RGL4: variants seen among roughly 807,000 people sequenced by gnomAD.
The protein encoded by RGL4 is ral-GDS-related protein.
RGL4 carries 41 observed loss-of-function variants against 49.6 expected under a neutral mutation model. The observed-to-expected ratio is 0.83, with a 90% confidence interval of 0.64 to 1.07. RGL4 has a LOEUF of 1.07. Ranked by LOEUF, RGL4 falls within the 50% of genes least tolerant of loss-of-function variation. The pLI is 0.00. For missense variants in RGL4, 610 were observed against 591.9 expected, an observed-to-expected ratio of 1.03 and a Z score of -0.32; for synonymous variants, 255 against 238.0, an observed-to-expected ratio of 1.07 and a Z score of -0.66.
chr22:23,694,742 A>G, intron 5 of RGL4: 1 of 603,286 alleles, frequency 1.7e-6, no homozygotes, highest in South Asian at 1.9e-5. Context: ...GTAAACACGC[A>G]GTGGCTCATG....
chr22:23,692,730 A>G lies in RGL4; in HGVS notation c.435A>G (p.Pro145=), dbSNP rs1323352542. 1 of 1,613,002 alleles carries G rather than the reference A, an allele frequency of 6.2e-7. No individual in the cohort carries two copies. The highest frequency in any genetic ancestry group is 8.5e-7 in the Non-Finnish European group (1 of 1,179,896). Residue 145 remains proline, a synonymous_variant, in exon 3 of 11, where the codon CCA becomes CCG. Transcript: ENST00000290691. ...TGCCGGCCCTGGAGCCAGCACCACCACTGCTGGCGGACCTGGGGCCTGCTC... is the reference window on the plus strand; with the variant it reads ...TGCCGGCCCTGGAGCCAGCACCACCGCTGCTGGCGGACCTGGGGCCTGCTC... The part of the protein sequence containing the change: ...LTMPALEPAP[P]LLADLGPALE...
chr22:23,692,418 T>C lies in RGL4; in HGVS notation c.263T>C (p.Ile88Thr). Residue 88 changes from isoleucine to threonine, a missense_variant, in exon 2 of 11, where the codon ATA becomes ACA. Ile to Thr is a moderately conservative substitution (Grantham distance 89). Coordinates refer to ENST00000290691, the MANE Select transcript of RGL4 (RefSeq NM_153615.2). The part of the protein sequence containing the change: ...YQPPQRSSFR[I>T]KLAFRNLSWP... Reference sequence around the variant, plus strand: ...CCCCCGCAACGGTCATCTTTCCGGATAAAGCTGGCCTTCAGGAACCTCTCC... The same window carrying C: ...CCCCCGCAACGGTCATCTTTCCGGACAAAGCTGGCCTTCAGGAACCTCTCC... The C allele has an allele frequency of 6.2e-7, 1 of 1,614,184 alleles. No individual in the cohort carries two copies. The highest frequency in any genetic ancestry group is 1.1e-5 in the South Asian group (1 of 91,090).
chr22:23,698,789 A>AG lies in RGL4; in HGVS notation c.1383-51dup. ...GGATTCCAGCTGGGCAGGCACTGAC[A>AG]GGGGACCTGATGTGTGGCTCATGGT... On this transcript the variant is annotated intron_variant, in intron 10 of 10. Coordinates refer to ENST00000290691, the MANE Select transcript of RGL4 (RefSeq NM_153615.2). 2.6e-6 allele frequency: 4 copies of AG among 1,564,002 alleles called. No individual in the cohort carries two copies. The South Asian group carries it at 4.8e-5, about 19-fold the overall frequency.
intron 6 of RGL4, among the ~76,000 whole-genome samples, chr22:23,695,922 G>A (rs897901715): frequency 2.0e-5 from 3 of 152,208 alleles, no homozygotes; most frequent in Admixed American, 1.3e-4. Context: ...GATCATTGGC[G>A]AGGCGAAGCC....
intron 3 of RGL4, 97 bp downstream of exon 3, chr22:23,693,088 C>T (rs1206344669): frequency 2.1e-6 from 3 of 1,457,098 alleles, no homozygotes; most frequent in African/African-American, 2.8e-5. Context: ...CCAATTTCAG[C>T]CCCACTTCTT....
intron 6 of RGL4, 149 bp from the exon 7 acceptor site, chr22:23,696,465 A>G: frequency 5.8e-6 from 9 of 1,547,634 alleles, no homozygotes; most frequent in Non-Finnish European, 7.9e-6. Flanking sequence ...ACTGGGTGAC[A>G]CACACAGGGA....
At chr22:23,698,142 C>T in intron 9 of RGL4, 70 bp from the exon 10 acceptor site, 1 of 1,563,372 alleles carries the variant, frequency 6.4e-7, no homozygotes, top group Non-Finnish European at 8.7e-7. Context: ...AGCCCCTTCT[C>T]CCTGCCTGCC....
At chr22:23,694,002 C>G (rs1388320595) in intron 4 of RGL4, 28 bp downstream of exon 4, 1 of 1,597,778 alleles carries the variant, frequency 6.3e-7, no homozygotes, top group Non-Finnish European at 8.6e-7. Context: ...CTGGGGATTC[C>G]CTCTTTAAAA....
chr22:23,696,400 G>T (rs1431569711), intron 6 of RGL4: 5 of 1,507,624 alleles, frequency 3.3e-6, no homozygotes, highest in Non-Finnish European at 3.6e-6. Context: ...GGTAGCTGTG[G>T]TTTGCATCAC....
chr22:23,697,764 G>A (rs1923601512), intron 8 of RGL4, 74 bp from the exon 9 acceptor site: 1 of 1,510,122 alleles, frequency 6.6e-7, no homozygotes, highest in Non-Finnish European at 9.0e-7. Flanking sequence ...TGGCAGTAGT[G>A]CAGCATGGGA....
rs1569118666 is a variant in RGL4, at chr22:23,693,164, G to A, written c.696+173G>A. ...CTTCCCTGTCTGCATGTGGACGGCAGAGATGGGACATCACCAGCGCCAGCT... is the reference window on the plus strand; with the variant it reads ...CTTCCCTGTCTGCATGTGGACGGCAAAGATGGGACATCACCAGCGCCAGCT... On this transcript the variant is annotated intron_variant, in intron 3 of 10. Transcript: ENST00000290691. 3 of 1,152,478 alleles carry A rather than the reference G, an allele frequency of 2.6e-6. No individual in the cohort carries two copies. The East Asian group carries it at 7.8e-5, about 30-fold the overall frequency. 71.4% of individuals were successfully genotyped at this position (1,152,478 alleles called of 1,614,324 possible). A position where few individuals can be genotyped will look rare whatever the true frequency, so the allele number is the denominator to read the frequency against.
chr22:23,691,952 C>A lies in RGL4; in HGVS notation c.-79C>A. ...CCCCCTCAGCACCGTGGCTTCCCAG[C>A]TCTCCCTGTCCTCCTCCCCCCGACA... On this transcript the variant is annotated 5_prime_UTR_variant, in exon 1 of 11. Coordinates refer to ENST00000290691, the MANE Select transcript of RGL4 (RefSeq NM_153615.2). 1 of 1,502,260 alleles carries A rather than the reference C, an allele frequency of 6.7e-7. No individual in the cohort carries two copies. Among genetic ancestry groups the A allele is most frequent in the Admixed American group, 1.8e-5 (1 of 56,302 alleles). The allele number at this position is 1,502,260 out of a possible 1,614,324, so 93.1% of individuals were successfully genotyped here.
rs778489709 is a variant in RGL4 at position 23,692,393 on chromosome 22, C to G, written c.238C>G (p.Pro80Ala). Residue 80 changes from proline (P) to alanine (A), a missense_variant, in exon 2 of 11, where the codon CCC becomes GCC. Transcript: ENST00000290691. Reference protein sequence around the residue: ...PPENTSVYYQPPQRSSFRIKL... With the variant: ...PPENTSVYYQAPQRSSFRIKL... ...CGAAAACACTTCAGTTTACTATCAG[C>G]CCCCGCAACGGTCATCTTTCCGGAT... is the stretch of plus-strand genomic sequence containing the variant. 6.2e-7 allele frequency: 1 copy of G among 1,614,226 alleles called. No individual in the cohort carries two copies. The highest frequency in any genetic ancestry group is 1.7e-5 in the Admixed American group (1 of 60,030).
Position 23,693,847 on chromosome 22 carries a change from C to T in RGL4, c.785C>T (p.Thr262Ile). The change falls in exon 4 of 11, where the codon ACA becomes ATA. Residue 262 changes from threonine (T) to isoleucine (I), a missense_variant. By Grantham distance (89) the Thr-to-Ile change is moderately conservative (BLOSUM62 -1). Transcript: ENST00000290691. The part of the protein sequence containing the change: ...HLKGNEHMAP[T>I]VRATIAHFNR... ...AAGGGGAATGAGCACATGGCACCCA[C>T]AGTTCGTGCCACCATCGCACACTTC... 2 of 1,614,094 alleles carry T rather than the reference C, an allele frequency of 1.2e-6. No individual in the cohort carries two copies. The highest frequency in any genetic ancestry group is 1.7e-6 in the Non-Finnish European group (2 of 1,180,022).
In RGL4 at chr22:23,691,564, C is replaced by T. The variant is rs1923138811; in HGVS notation, c.-467C>T. The T allele has an allele frequency of 6.3e-6, 1 of 159,552 alleles. No homozygotes were observed. The highest frequency in any genetic ancestry group is 2.4e-5 in the African/African-American group (1 of 41,620). 9.9% of individuals were successfully genotyped at this position (159,552 alleles called of 1,614,324 possible). On this transcript the variant is annotated 5_prime_UTR_variant, in exon 1 of 11. Coordinates refer to ENST00000290691, the MANE Select transcript of RGL4 (RefSeq NM_153615.2). ...CTCAGAGTCAGGCACTCACAGTAGA[C>T]AGAATAAACAAGTCATATCTACAGA...
At chr22:23,694,708 T>G (rs1279842812) in intron 5 of RGL4, 1 of 593,678 alleles carries the variant, frequency 1.7e-6, no homozygotes, top group Admixed American at 3.0e-5. Flanking sequence ...GCAGTGGAAC[T>G]CTGTGTCCAG....
Position 23,693,009 on chromosome 22 carries a change from G to C in RGL4, c.696+18G>C, listed in dbSNP as rs1377191123. ...TGGATGCGGTGAGCAGCTGAGCTTT[G>C]CAGGCTGTGTCTCTGGCACCAGCTG... On this transcript the variant is annotated intron_variant, in intron 3 of 10. Transcript: ENST00000290691. 6.4e-7 allele frequency: 1 copy of C among 1,572,864 alleles called. No individual in the cohort carries two copies. The highest frequency in any genetic ancestry group is 8.6e-7 in the Non-Finnish European group (1 of 1,156,322).
In RGL4 at chr22:23,697,881, A is replaced by G; in HGVS notation, c.1260+20A>G. On this transcript the variant is annotated intron_variant, in intron 9 of 10. Coordinates refer to ENST00000290691, the MANE Select transcript of RGL4 (RefSeq NM_153615.2). ...AGCAAGGTGAGCAGCTGGGGCACTC[A>G]CGTTGGATGAGGGTGGGGATGTGGA... 1.2e-6 allele frequency: 2 copies of G among 1,602,006 alleles called. No homozygotes were observed. Among genetic ancestry groups the G allele is most frequent in the East Asian group, 4.5e-5 (2 of 44,480 alleles).
In RGL4 at chr22:23,697,893, G is replaced by A. The variant is rs1428916873; in HGVS notation, c.1260+32G>A. ...AGCTGGGGCACTCACGTTGGATGAG[G>A]GTGGGGATGTGGACGTCACAGTCCA... On this transcript the variant is annotated intron_variant, in intron 9 of 10. Transcript: ENST00000290691. 12 of 1,598,446 alleles carry A rather than the reference G, an allele frequency of 7.5e-6. No homozygotes were observed. In the Middle Eastern group the frequency reaches 6.6e-4, roughly 88 times the overall value.
Sources: gnomAD v4.1 joint callset for allele counts (sites outside exome capture counted in the v4.1 genomes callset) on GRCh38, gnomAD v4.1.1 for gene constraint, MANE v1.5 for transcripts, NCBI Gene and HGNC (gene_info 2026-07-23, HGNC 2026-07-21) for gene names.